The following UNC5D variants were observed in gnomAD, a reference collection of about 807,000 sequenced individuals.
UNC5D encodes the protein netrin receptor UNC5D.
In UNC5D, 39 loss-of-function variants were observed where a neutral mutation model predicts 105.4. The ratio of observed to expected loss-of-function variants is 0.37; its 90% confidence interval spans 0.29 to 0.48. The LOEUF is 0.48. Ranked by LOEUF, UNC5D falls within the 20% of genes least tolerant of loss-of-function variation. The pLI, the probability that UNC5D is intolerant of heterozygous loss-of-function variation, is 0.98. For missense variants in UNC5D, 991 were observed against 1,202.4 expected (o/e 0.82, Z 2.60); for synonymous variants, 452 against 450.4 (o/e 1.00, Z -0.04).
At chr8:35,595,515 C>G in intron 3 of UNC5D, 39 bp from the exon 4 acceptor site, 2 of 1,595,910 alleles carry the variant, frequency 1.3e-6, no homozygotes, top group Non-Finnish European at 1.7e-6. Flanking sequence ...TAACACTAGA[C>G]TTGAAACAAA....
At chr8:35,662,915 T>C (rs1190756469) in intron 4 of UNC5D, among the ~76,000 whole-genome samples, 4 of 152,140 alleles carry the variant, frequency 2.6e-5, no homozygotes, top group Admixed American at 6.5e-5. Context: ...TAGATTCTCA[T>C]AGGAGCGCAA....
rs539575752 is a variant in UNC5D at position 35,461,201 on chromosome 8, A to T, written c.104-88091A>T. 1.5e-3 allele frequency among the ~76,000 whole-genome samples: 226 copies of T among 152,294 alleles called. 1 individual carries two copies. Among genetic ancestry groups the T allele is most frequent in the African/African-American group, 5.0e-3 (206 of 41,578 alleles). ...CTCATAGTCTTTCCCAGGAACGGTG[A>T]TGGGTGAGTTGGTTAGGGAACGGAC... On this transcript the variant is annotated intron_variant, in intron 1 of 16. Transcript: ENST00000404895.
At chr8:35,283,536 C>T (rs541054840) in intron 1 of UNC5D, among the ~76,000 whole-genome samples, 11 of 151,784 alleles carry the variant, frequency 7.2e-5, no homozygotes, top group South Asian at 6.3e-4. Flanking sequence ...CCAGGGCAGG[C>T]GGATCACGAG....
chr8:35,725,364 A>T (rs2118066), intron 9 of UNC5D, among the ~76,000 whole-genome samples: 33,607 of 152,070 alleles, frequency 0.22, 9,181 homozygotes, highest in African/African-American at 0.64. Context: ...TTGGAAAAAA[A>T]TGGCGAGCCC....
chr8:35,470,809 A>AATAAT (rs1388883700), intron 1 of UNC5D, among the ~76,000 whole-genome samples: 1 of 149,674 alleles, frequency 6.7e-6, no homozygotes, highest in African/African-American at 2.5e-5. Flanking sequence ...TAAATAAATA[A>AATAAT]ATAAAATAAA....
chr8:35,593,917 T>C (rs182376169), intron 3 of UNC5D, among the ~76,000 whole-genome samples: 22 of 152,308 alleles, frequency 1.4e-4, no homozygotes, highest in Non-Finnish European at 3.2e-4. Context: ...CAAAGATCCC[T>C]TGTGAGACAG....
chr8:35,591,741 G>A (rs760133151), intron 3 of UNC5D, among the ~76,000 whole-genome samples: 1 of 152,050 alleles, frequency 6.6e-6, no homozygotes, highest in African/African-American at 2.4e-5. Context: ...ATTACAATAG[G>A]CACTGGGAAT....
chr8:35,300,400 T>C (rs903803051), intron 1 of UNC5D, among the ~76,000 whole-genome samples: 8 of 123,278 alleles, frequency 6.5e-5, no homozygotes, highest in African/African-American at 1.3e-4. Flanking sequence ...TGAGCTGAGA[T>C]TGTGCCACTG....
In UNC5D at chr8:35,750,616, G is replaced by A. The variant is rs1359322821; in HGVS notation, c.1970G>A (p.Cys657Tyr). 5 of 1,614,000 alleles carry A rather than the reference G, an allele frequency of 3.1e-6. No homozygotes were observed. The highest frequency in any genetic ancestry group is 1.6e-4 in the Middle Eastern group (1 of 6,084). Reference sequence around the variant, plus strand: ...TCAGTGGAAGATGAATCTACATCCTGTTACTGCCTTTTGGACCCCTTTGCG... The same window carrying A: ...TCAGTGGAAGATGAATCTACATCCTATTACTGCCTTTTGGACCCCTTTGCG... Reference protein sequence around the residue: ...VMSVEDESTSCYCLLDPFACH... With the variant: ...VMSVEDESTSYYCLLDPFACH... The change falls in exon 13 of 17, where the codon TGT (cysteine) becomes TAT (tyrosine). Residue 657 changes from cysteine to tyrosine, a missense_variant. Transcript: ENST00000404895.
intron 1 of UNC5D, among the ~76,000 whole-genome samples, chr8:35,292,781 A>G (rs1052781492): frequency 9.6e-5 from 14 of 146,246 alleles, no homozygotes; most frequent in African/African-American, 3.3e-4. Flanking sequence ...CAGTGGTGCA[A>G]TCTCGGCTCA....
chr8:35,686,824 C>G (rs11778095), intron 7 of UNC5D, 115 bp downstream of exon 7: 1 of 1,336,264 alleles, frequency 7.5e-7, no homozygotes, highest in Non-Finnish European at 1.0e-6. Flanking sequence ...AGCCAAGCTG[C>G]TAAGGGCAAA....
chr8:35,365,567 C>T (rs1355981847), intron 1 of UNC5D, among the ~76,000 whole-genome samples: 1 of 104,202 alleles, frequency 9.6e-6, no homozygotes, highest in Non-Finnish European at 1.8e-5. Flanking sequence ...GGATTATCTT[C>T]TTAGGCTTTC....
chr8:35,584,326 T>C (rs990248234), intron 3 of UNC5D, among the ~76,000 whole-genome samples: 1 of 151,800 alleles, frequency 6.6e-6, no homozygotes, highest in East Asian at 1.9e-4. Flanking sequence ...GACATGGCCA[T>C]GTGTGTGCTA....
At chr8:35,720,713 GTC>G (rs1397028037) in intron 8 of UNC5D, among the ~76,000 whole-genome samples, 1 of 152,150 alleles carries the variant, frequency 6.6e-6, no homozygotes. Flanking sequence ...CTCCATTCCT[GTC>G]TCTCTCACAT....
intron 4 of UNC5D, among the ~76,000 whole-genome samples, chr8:35,614,754 G>A (rs968485879): frequency 1.3e-5 from 2 of 152,112 alleles, no homozygotes; most frequent in African/African-American, 4.8e-5. Flanking sequence ...CCTTAAATAA[G>A]TCCTATTAAT....
In UNC5D at chr8:35,790,635, T is replaced by C; in HGVS notation, c.*72T>C. 1 of 1,542,224 alleles carries C rather than the reference T, an allele frequency of 6.5e-7. No homozygotes were observed. The highest frequency in any genetic ancestry group is 8.9e-7 in the Non-Finnish European group (1 of 1,125,488). On this transcript the variant is annotated 3_prime_UTR_variant, in exon 17 of 17. Transcript: ENST00000404895. ...TGCTTTAAATGGGAAAGAGGCCGCTTTCTGCCCAGTGGCGTTGGGGGAATT... is the reference window on the plus strand; with the variant it reads ...TGCTTTAAATGGGAAAGAGGCCGCTCTCTGCCCAGTGGCGTTGGGGGAATT...
intron 1 of UNC5D, among the ~76,000 whole-genome samples, chr8:35,497,391 G>A (rs1375699769): frequency 6.6e-6 from 1 of 152,116 alleles, no homozygotes; most frequent in African/African-American, 2.4e-5. Flanking sequence ...GAAAGTGAGG[G>A]TGACCTCCCT....
rs759125338 is a variant in UNC5D at position 35,767,064 on chromosome 8, G to C, written c.2476G>C (p.Glu826Gln). The C allele has an allele frequency of 1.4e-5, 23 of 1,611,582 alleles. No individual in the cohort carries two copies. The highest frequency in any genetic ancestry group is 1.9e-5 in the Non-Finnish European group (22 of 1,178,832). ...CCTCCAAGTGCAGACATCAATCCTA[G>C]AGGTGAGTCCTTGATCTACAGGTCA... is the stretch of plus-strand genomic sequence containing the variant. ...QILQVQTSIL[E>Q]SERETITFFA... is the part of the protein sequence containing the mutation. Residue 826 changes from glutamate to glutamine, a missense_variant and splice_region_variant, in exon 15 of 17, where the codon GAG becomes CAG. Around this residue, in one of 3 missense-constraint regions of UNC5D, gnomAD observed 944 missense variants for 1,131.6 expected, o/e 0.83. Transcript: ENST00000404895.
chr8:35,348,101 T>A (rs529205660), intron 1 of UNC5D, among the ~76,000 whole-genome samples: 1 of 152,098 alleles, frequency 6.6e-6, no homozygotes, highest in South Asian at 2.1e-4. Flanking sequence ...CCTGACATTA[T>A]CCCCACCTCT....
Sources: allele counts gnomAD v4.1 joint callset (sites outside exome capture counted in the v4.1 genomes callset), GRCh38; gene constraint gnomAD v4.1.1; regional missense constraint gnomAD v4.1.1; transcripts MANE v1.5; gene names NCBI Gene and HGNC (gene_info 2026-07-23, HGNC 2026-07-21).